PCDHAC1: variants seen among roughly 807,000 people sequenced by gnomAD.
The protein encoded by PCDHAC1 is protocadherin alpha-C1.
Under a neutral mutation model 60.0 loss-of-function variants are expected in PCDHAC1, and 42 were observed. The observed-to-expected ratio is 0.70, with a 90% CI of 0.55 to 0.90. The LOEUF is 0.90. PCDHAC1 is among the 40% of genes least tolerant of loss of function. The probability of loss-of-function intolerance (pLI) is 0.00; values close to 1 mark genes in which losing one functional copy is unlikely to be tolerated. For missense variants in PCDHAC1, 1,160 were observed against 1,222.3 expected (o/e 0.95, Z 0.76); for synonymous variants, 468 against 499.3 (o/e 0.94, Z 0.84).
At chr5:140,984,633 T>G (rs2097112196) in intron 3 of PCDHAC1, among the ~76,000 whole-genome samples, 1 of 152,206 alleles carries the variant, frequency 6.6e-6, no homozygotes, top group African/African-American at 2.4e-5. Flanking sequence ...AAAGGGATTC[T>G]CTGCCTTCTC....
intron 3 of PCDHAC1, among the ~76,000 whole-genome samples, chr5:140,997,644 ATGCAATAT>A (rs1287449551): frequency 7.9e-5 from 12 of 151,656 alleles, no homozygotes; most frequent in African/African-American, 2.9e-4. Flanking sequence ...AAATGGGATA[ATGCAATAT>A]GTATTATTAT....
At chr5:140,992,999 C>G (rs1254110475) in intron 3 of PCDHAC1, among the ~76,000 whole-genome samples, 4 of 152,188 alleles carry the variant, frequency 2.6e-5, no homozygotes, top group African/African-American at 9.7e-5. Flanking sequence ...CATGAAAGAG[C>G]CTCCCCAGAG....
chr5:140,942,619 TA>T (rs35075175), intron 1 of PCDHAC1, among the ~76,000 whole-genome samples: 84,954 of 148,808 alleles, frequency 0.57, 24,471 homozygotes, highest in African/African-American at 0.7. Context: ...TTGCCAATTG[TA>T]AAAAAAAAAA....
At chr5:140,934,363 T>C (rs1354531260) in intron 1 of PCDHAC1, among the ~76,000 whole-genome samples, 3 of 152,170 alleles carry the variant, frequency 2.0e-5, no homozygotes, top group African/African-American at 7.2e-5. Context: ...GCCACTGCTT[T>C]GACTCCTTCT....
rs1002607780 is a variant in PCDHAC1 at position 141,011,898 on chromosome 5, T to G, written c.*1961T>G. 1.8e-4 allele frequency: 27 copies of G among 148,586 alleles called. 1 individual carries two copies. Among genetic ancestry groups the G allele is most frequent in the Admixed American group, 1.5e-3 (23 of 15,026 alleles). The allele number at this position is 148,586 out of a possible 1,614,324, so 9.2% of individuals were successfully genotyped here. On this transcript the variant is annotated 3_prime_UTR_variant, in exon 4 of 4. Coordinates refer to ENST00000253807, the MANE Select transcript of PCDHAC1 (RefSeq NM_018898.5). ...TAGAAGTTTGATTAATTATATTATC[T>G]ATTTAGGCATTAATATAAAAGAGGT...
chr5:141,010,232 A>C lies in PCDHAC1; in HGVS notation c.*295A>C. The C allele has an allele frequency of 1.3e-6, 2 of 1,551,952 alleles. No individual in the cohort carries two copies. The highest frequency in any genetic ancestry group is 1.7e-6 in the Non-Finnish European group (2 of 1,147,050). The stretch of plus-strand genomic sequence containing the variant: ...AAAGGAGAGGCTTCCCAGCCCCGCC[A>C]GTGAGAGGTTGGACTCTCTGCCCTG... On this transcript the variant is annotated 3_prime_UTR_variant, in exon 4 of 4. Coordinates refer to ENST00000253807, the MANE Select transcript of PCDHAC1 (RefSeq NM_018898.5).
rs2096607447 is a variant in PCDHAC1, at chr5:140,973,909, C to T, written c.2434-5040C>T. 2.0e-5 allele frequency among the ~76,000 whole-genome samples: 3 copies of T among 152,194 alleles called. 1 individual carries two copies. The highest frequency in any genetic ancestry group is 2.0e-4 in the Admixed American group (3 of 15,280). On this transcript the variant is annotated intron_variant, in intron 1 of 3. Coordinates refer to ENST00000253807, the MANE Select transcript of PCDHAC1 (RefSeq NM_018898.5). ...ATTTGCAAATGTTTGAGGAAACATT[C>T]CTGTCACCAAACCCAGAGGTTTAGC...
intron 1 of PCDHAC1, among the ~76,000 whole-genome samples, chr5:140,973,724 G>T (rs1272606867): frequency 6.6e-6 from 1 of 152,176 alleles, no homozygotes; most frequent in Non-Finnish European, 1.5e-5. Context: ...CATCACATGG[G>T]CATCTGGTCT....
Position 140,982,613 on chromosome 5 carries a change from A to G in PCDHAC1, c.2581+50A>G, listed in dbSNP as rs201150239. ...CTTTCTTGGTTTCTGGAAAGTGATC[A>G]GATGACCTACTTTTGTAAGATCAGG... On this transcript the variant is annotated intron_variant, in intron 3 of 3. Transcript: ENST00000253807. 2.7e-5 allele frequency: 43 copies of G among 1,599,298 alleles called. No individual in the cohort carries two copies. The Admixed American group carries it at 7.0e-4, about 26-fold the overall frequency.
Position 141,009,995 on chromosome 5 carries a change from C to T in PCDHAC1, c.*58C>T, listed in dbSNP as rs1178395504. 6.3e-7 allele frequency: 1 copy of T among 1,576,476 alleles called. No individual in the cohort carries two copies. The highest frequency in any genetic ancestry group is 8.6e-7 in the Non-Finnish European group (1 of 1,165,244). ...TTTTTGTAATAATGGCAAATCTCTC[C>T]CATGTAGCAATTCCCTGCTCCTTTT... On this transcript the variant is annotated 3_prime_UTR_variant, in exon 4 of 4. Coordinates refer to ENST00000253807, the MANE Select transcript of PCDHAC1 (RefSeq NM_018898.5).
At chr5:140,993,521 G>C (rs1554253818) in intron 3 of PCDHAC1, among the ~76,000 whole-genome samples, 4 of 151,128 alleles carry the variant, frequency 2.6e-5, no homozygotes, top group Admixed American at 2.0e-4. Flanking sequence ...GGGAGAGAGA[G>C]ACAGAGAGAG....
At position 140,981,056 on chromosome 5, in the gene PCDHAC1, G is replaced by A. The variant is rs571113984; in HGVS notation, c.2493-1419G>A. 1.5e-3 allele frequency among the ~76,000 whole-genome samples: 227 copies of A among 152,276 alleles called. 1 individual carries two copies. Among genetic ancestry groups the A allele is most frequent in the African/African-American group, 5.2e-3 (217 of 41,556 alleles). ...GGGAAAAAAAACAGATAATTCTAGA[G>A]TGTAGACAAGGGGAAGAATAGTAAA... On this transcript the variant is annotated intron_variant, in intron 2 of 3. Transcript: ENST00000253807.
intron 1 of PCDHAC1, among the ~76,000 whole-genome samples, chr5:140,978,464 C>T (rs1281042342): frequency 5.3e-5 from 8 of 152,226 alleles, no homozygotes; most frequent in Non-Finnish European, 2.9e-5. Flanking sequence ...CGCCCTGGGT[C>T]AAATATGCTG....
intron 1 of PCDHAC1, among the ~76,000 whole-genome samples, chr5:140,956,723 A>G (rs536528599): frequency 6.6e-6 from 1 of 152,166 alleles, no homozygotes; most frequent in Non-Finnish European, 1.5e-5. Context: ...AAGAATTGGT[A>G]CCAGCTCCTC....
At chr5:140,958,913 C>T (rs1367853733) in intron 1 of PCDHAC1, among the ~76,000 whole-genome samples, 12 of 151,050 alleles carry the variant, frequency 7.9e-5, no homozygotes, top group Non-Finnish European at 8.8e-5. Context: ...AAAAGTCTGC[C>T]TGGGTGTGGT....
intron 3 of PCDHAC1, among the ~76,000 whole-genome samples, chr5:141,003,148 GA>G (rs1554258931): frequency 1.3e-5 from 2 of 152,188 alleles, no homozygotes; most frequent in African/African-American, 4.8e-5. Flanking sequence ...CAAAGACTCT[GA>G]CCTGATCAAT....
At position 140,951,559 on chromosome 5, in the gene PCDHAC1, G is replaced by A. The variant is rs545470803; in HGVS notation, c.2433+22234G>A. On this transcript the variant is annotated intron_variant, in intron 1 of 3. Transcript: ENST00000253807. ...AGCAAGGGACGGGGGGAAGTGCTAC[G>A]CACTTTTAAACAACCAGATTTCACG... 1.6e-4 allele frequency among the ~76,000 whole-genome samples: 25 copies of A among 152,040 alleles called. No individual in the cohort carries two copies. The South Asian group carries it at 5.2e-3, about 32-fold the overall frequency.
At chr5:140,934,312 A>G (rs2089755727) in intron 1 of PCDHAC1, among the ~76,000 whole-genome samples, 1 of 152,108 alleles carries the variant, frequency 6.6e-6, no homozygotes, top group South Asian at 2.1e-4. Context: ...CTTACTGCAA[A>G]TGTCCAATCA....
chr5:141,000,416 TATA>T lies in PCDHAC1; in HGVS notation c.2582-9210_2582-9208del, dbSNP rs1254571264. Among the ~76,000 whole-genome samples the T allele has an allele frequency of 5.1e-3, 472 of 93,246 alleles. 2 individuals carry two copies. Among genetic ancestry groups the T allele is most frequent in the Non-Finnish European group, 6.8e-3 (330 of 48,634 alleles). 61.2% of individuals were successfully genotyped at this position (93,246 alleles called of 152,430 possible). On this transcript the variant is annotated intron_variant, in intron 3 of 3. Transcript: ENST00000253807. ...CTCTCTATATATATATATATATATA[TATA>T]TATTTTTTTTTTTTTTTTTTTTTTT...
Sources: allele counts gnomAD v4.1 joint callset (sites outside exome capture counted in the v4.1 genomes callset), GRCh38; gene constraint gnomAD v4.1.1; transcripts MANE v1.5; gene names NCBI Gene and HGNC (gene_info 2026-07-23, HGNC 2026-07-21).